Variants in NEBL observed in about 807,000 individuals in gnomAD.
The protein encoded by NEBL is nebulette, also known as LIM and SH3 protein 2.
NEBL carries 122 observed loss-of-function variants against 140.2 expected under a neutral mutation model. The observed-to-expected ratio is 0.87, with a 90% CI of 0.75 to 1.01. NEBL has a LOEUF of 1.01. Among genes scored for constraint, NEBL ranks in the 50% least tolerant of loss-of-function variants. The probability of loss-of-function intolerance (pLI) is 0.00; values close to 1 mark genes in which losing one functional copy is unlikely to be tolerated. For missense variants in NEBL, 1,365 were observed against 1,231.3 expected (o/e 1.11, Z -1.62); for synonymous variants, 436 against 398.9 (o/e 1.09, Z -1.11).
chr10:21,269,261 C>T (rs12266119), intron 1 of NEBL, among the ~76,000 whole-genome samples: 3,753 of 152,250 alleles, frequency 0.025, 53 homozygotes, highest in Middle Eastern at 0.058. Context: ...TGCTGAACTC[C>T]AAGGGCTGGC....
chr10:20,943,825 G>A (rs1835021490), intron 4 of NEBL, among the ~76,000 whole-genome samples: 1 of 152,148 alleles, frequency 6.6e-6, no homozygotes, highest in Non-Finnish European at 1.5e-5. Flanking sequence ...AAAGGTAAAT[G>A]GCCTCAAGCA....
intron 26 of NEBL, among the ~76,000 whole-genome samples, chr10:20,803,565 A>C (rs948998231): frequency 2.0e-5 from 3 of 152,144 alleles, no homozygotes; most frequent in African/African-American, 7.2e-5. Context: ...AATATTTATA[A>C]ACATTTCTTC....
At chr10:21,212,651 G>C (rs559229980) in intron 3 of NEBL, among the ~76,000 whole-genome samples, 1 of 152,238 alleles carries the variant, frequency 6.6e-6, no homozygotes, top group East Asian at 1.9e-4. Context: ...TCAGATTTTT[G>C]TTACCACACC....
At chr10:21,034,298 T>C (rs1833928416) in intron 2 of NEBL, among the ~76,000 whole-genome samples, 1 of 151,350 alleles carries the variant, frequency 6.6e-6, no homozygotes, top group South Asian at 2.1e-4. Context: ...GCTAAATAAA[T>C]TGTGGAAAAC....
chr10:21,090,289 C>G (rs1836847916), intron 2 of NEBL, among the ~76,000 whole-genome samples: 1 of 152,228 alleles, frequency 6.6e-6, no homozygotes, highest in African/African-American at 2.4e-5. Flanking sequence ...GGCACAAGTA[C>G]AGTCAGCCCT....
In NEBL at chr10:20,815,722, C is replaced by A; in HGVS notation, c.2149-5G>T. The A allele has an allele frequency of 6.4e-7, 1 of 1,554,938 alleles. No homozygotes were observed. Among genetic ancestry groups the A allele is most frequent in the Non-Finnish European group, 8.9e-7 (1 of 1,126,556 alleles). ...CAGCTGACCTCTGTAATAAACCTAT[C>A]ATTTCAGAGAACAAAAAATAGAATA... On this transcript the variant is annotated splice_polypyrimidine_tract_variant and splice_region_variant and intron_variant, in intron 21 of 27. Coordinates refer to ENST00000377122, the MANE Select transcript of NEBL (RefSeq NM_006393.3).
At chr10:21,128,716 C>A (rs568905260) in intron 2 of NEBL, among the ~76,000 whole-genome samples, 4 of 152,280 alleles carry the variant, frequency 2.6e-5, no homozygotes, top group Admixed American at 6.5e-5. Flanking sequence ...CAAATCTCAA[C>A]TCTCAACTTA....
Position 20,847,389 on chromosome 10 carries a change from G to C in NEBL, c.1117-2021C>G, listed in dbSNP as rs142913849. Among the ~76,000 whole-genome samples the C allele has an allele frequency of 3.5e-3, 534 of 152,256 alleles. 8 individuals are homozygous for C. Among genetic ancestry groups the C allele is most frequent in the African/African-American group, 0.011 (464 of 41,564 alleles). On this transcript the variant is annotated intron_variant, in intron 11 of 27. Transcript: ENST00000377122. ...TCACTTGGCAAGAGTGAGAGAAGAA[G>C]TTGGGTGAAGAAAAGAGAGACTATC...
At position 20,819,545 on chromosome 10, in the gene NEBL, G is replaced by A. The variant is rs369401462; in HGVS notation, c.1963-29C>T. Reference sequence around the variant, plus strand: ...AGAGACAAGGTGCAAGACAGTTTGAGATTATGGGAAATAAATACGTCCCAA... The same window carrying A: ...AGAGACAAGGTGCAAGACAGTTTGAAATTATGGGAAATAAATACGTCCCAA... On this transcript the variant is annotated intron_variant, in intron 19 of 27. Transcript: ENST00000377122. The A allele has an allele frequency of 1.9e-6, 3 of 1,613,034 alleles. No individual in the cohort carries two copies. In the African/African-American group the frequency reaches 4.0e-5, roughly 22 times the overall value.
intron 1 of NEBL, among the ~76,000 whole-genome samples, chr10:21,275,386 G>A (rs545786018): frequency 1.1e-4 from 16 of 152,284 alleles, no homozygotes; most frequent in African/African-American, 3.4e-4. Flanking sequence ...ATTTGGACAA[G>A]TTTCCCCAGC....
chr10:21,188,003 G>A (rs907297741), intron 3 of NEBL, among the ~76,000 whole-genome samples: 1 of 152,002 alleles, frequency 6.6e-6, no homozygotes, highest in African/African-American at 2.4e-5. Context: ...TTTCTCTCTC[G>A]GGCTTGTCTT....
At chr10:20,966,251 T>C (rs1395173253) in intron 3 of NEBL, among the ~76,000 whole-genome samples, 1 of 152,236 alleles carries the variant, frequency 6.6e-6, no homozygotes, top group African/African-American at 2.4e-5. Context: ...GATATGCATG[T>C]GTACATATAT....
intron 21 of NEBL, among the ~76,000 whole-genome samples, chr10:20,816,309 G>A (rs1413543870): frequency 1.3e-5 from 2 of 152,198 alleles, no homozygotes; most frequent in Admixed American, 6.5e-5. Context: ...TCTTCATGGA[G>A]ATTACTTAAA....
intron 2 of NEBL, among the ~76,000 whole-genome samples, chr10:21,163,542 T>C (rs1840639154): frequency 6.6e-6 from 1 of 152,164 alleles, no homozygotes; most frequent in Non-Finnish European, 1.5e-5. Flanking sequence ...AAATCCAACA[T>C]TGGCAGGCAA....
At chr10:20,973,156 C>A (rs1163742535) in intron 3 of NEBL, among the ~76,000 whole-genome samples, 1 of 152,062 alleles carries the variant, frequency 6.6e-6, no homozygotes, top group Non-Finnish European at 1.5e-5. Flanking sequence ...TATTGAAGAC[C>A]TATAAGGTGT....
At chr10:20,862,350 A>G (rs1843796734) in intron 7 of NEBL, among the ~76,000 whole-genome samples, 2 of 152,210 alleles carry the variant, frequency 1.3e-5, no homozygotes, top group African/African-American at 4.8e-5. Context: ...CTCATTAATG[A>G]ACCACAATAG....
chr10:21,156,742 G>A (rs1319909645), intron 2 of NEBL, among the ~76,000 whole-genome samples: 1 of 152,160 alleles, frequency 6.6e-6, no homozygotes, highest in East Asian at 1.9e-4. Flanking sequence ...AGCTATCTGA[G>A]AAACTTTCAT....
At chr10:20,812,640 C>G in intron 24 of NEBL, 129 bp downstream of exon 24, 1 of 1,114,236 alleles carries the variant, frequency 9.0e-7, no homozygotes, top group South Asian at 1.3e-5. Context: ...TACCTGCGGT[C>G]CATTTTAAAT....
intron 12 of NEBL, among the ~76,000 whole-genome samples, chr10:20,845,056 C>T (rs776217732): frequency 5.3e-5 from 8 of 151,916 alleles, no homozygotes; most frequent in African/African-American, 1.9e-4. Flanking sequence ...AATTTCTTCT[C>T]GCAACTTTAA....
Sources: gnomAD v4.1 joint callset for allele counts (sites outside exome capture counted in the v4.1 genomes callset) on GRCh38, gnomAD v4.1.1 for gene constraint, MANE v1.5 for transcripts, NCBI Gene and HGNC (gene_info 2026-07-23, HGNC 2026-07-21) for gene names.